The following PTPRT variants were observed in gnomAD, a reference collection of about 807,000 sequenced individuals.
PTPRT encodes the protein protein tyrosine phosphatase receptor type T.
Under a neutral mutation model 176.8 loss-of-function variants are expected in PTPRT, and 56 were observed. The observed-to-expected ratio is 0.32, with a 90% CI of 0.26 to 0.40. The LOEUF is 0.40. Among genes scored for constraint, PTPRT ranks in the 10% least tolerant of loss-of-function variants. PTPRT has a pLI of 1.00. For synonymous variants in PTPRT, 783 were observed against 739.0 expected (o/e 1.06, Z -0.96); for missense variants, 1,540 against 1,908.2 (o/e 0.81, Z 3.60).
intron 15 of PTPRT, among the ~76,000 whole-genome samples, chr20:42,217,265 G>T (rs6030056): frequency 2.6e-5 from 4 of 151,562 alleles, no homozygotes; most frequent in African/African-American, 7.3e-5. Context: ...CCCAGCTACT[G>T]GGGAGGCTGA....
chr20:42,084,550 T>C (rs1276140000), intron 29 of PTPRT, 132 bp downstream of exon 29: 2 of 758,510 alleles, frequency 2.6e-6, no homozygotes, highest in African/African-American at 3.6e-5. Flanking sequence ...GTACTGCCAC[T>C]AGCCTTTGAG....
the PTPRT span, among the ~76,000 whole-genome samples, chr20:42,037,338 C>T: frequency 6.6e-6 from 1 of 152,212 alleles, no homozygotes; most frequent in Non-Finnish European, 1.5e-5. Flanking sequence ...CCTCTAGGCC[C>T]TTCCCCACCT....
At chr20:43,067,254 G>A (rs2011120615) in intron 1 of PTPRT, among the ~76,000 whole-genome samples, 1 of 152,170 alleles carries the variant, frequency 6.6e-6, no homozygotes, top group South Asian at 2.1e-4. Context: ...TAATGTATAT[G>A]AAATATCCAG....
At chr20:42,476,107 G>A (rs2071284210) in intron 7 of PTPRT, among the ~76,000 whole-genome samples, 1 of 152,188 alleles carries the variant, frequency 6.6e-6, no homozygotes, top group African/African-American at 2.4e-5. Context: ...GGTTGTTAAT[G>A]AGCATAAAAT....
intron 1 of PTPRT, among the ~76,000 whole-genome samples, chr20:42,960,393 C>A (rs1282050101): frequency 1.3e-5 from 2 of 152,078 alleles, no homozygotes; most frequent in Non-Finnish European, 1.5e-5. Flanking sequence ...ACCTAACAAG[C>A]TCCCTCTAGC....
At chr20:42,708,897 A>C (rs112231566) in intron 6 of PTPRT, among the ~76,000 whole-genome samples, 43 of 152,310 alleles carry the variant, frequency 2.8e-4, no homozygotes, top group African/African-American at 9.9e-4. Context: ...GGCATTAACG[A>C]GCAGAATTAC....
downstream of PTPRT, among the ~76,000 whole-genome samples, chr20:42,070,023 G>T (rs959298530): frequency 6.6e-6 from 1 of 152,104 alleles, no homozygotes; most frequent in African/African-American, 2.4e-5. Flanking sequence ...GTTGAGTCTC[G>T]TTGCATATCC....
intron 1 of PTPRT, among the ~76,000 whole-genome samples, chr20:43,177,950 C>A (rs1424245865): frequency 6.6e-6 from 1 of 152,212 alleles, no homozygotes; most frequent in African/African-American, 2.4e-5. Flanking sequence ...CTACTTGGAA[C>A]AGGGATCTTC....
At chr20:42,696,748 C>T (rs959656741) in intron 6 of PTPRT, among the ~76,000 whole-genome samples, 4 of 152,114 alleles carry the variant, frequency 2.6e-5, no homozygotes, top group Admixed American at 2.6e-4. Context: ...AGCCACCCCG[C>T]CCGGCCATGA....
chr20:42,112,816 C>T (rs564213231), intron 22 of PTPRT, among the ~76,000 whole-genome samples: 2 of 152,306 alleles, frequency 1.3e-5, no homozygotes, highest in Admixed American at 6.5e-5. Flanking sequence ...GGCAGACAGT[C>T]CTGTTAGGAG....
chr20:42,153,145 C>T (rs1989208164), intron 17 of PTPRT, among the ~76,000 whole-genome samples: 1 of 152,192 alleles, frequency 6.6e-6, no homozygotes, highest in Admixed American at 6.5e-5. Flanking sequence ...AACTAGAGTT[C>T]TGTTACATCA....
chr20:42,201,975 G>GTGTGTGTGTGTGTGTGTGTGTGTGTA (rs1380398908), intron 15 of PTPRT, among the ~76,000 whole-genome samples: 1 of 151,304 alleles, frequency 6.6e-6, no homozygotes, highest in Admixed American at 6.6e-5. Context: ...GTGTGTGTGT[G>GTGTGTGTGTGTGTGTGTGTGTGTGTA]TGTATGTATG....
At chr20:42,608,166 T>C (rs1338371879) in intron 7 of PTPRT, among the ~76,000 whole-genome samples, 1 of 152,140 alleles carries the variant, frequency 6.6e-6, no homozygotes, top group Non-Finnish European at 1.5e-5. Context: ...TGGCACCTCA[T>C]GGTCTCATGT....
At chr20:42,507,811 G>T (rs966852425) in intron 7 of PTPRT, among the ~76,000 whole-genome samples, 1 of 151,350 alleles carries the variant, frequency 6.6e-6, no homozygotes, top group African/African-American at 2.4e-5. Context: ...AGGGTAGCCG[G>T]TCAGGTCCCA....
chr20:42,798,341 A>C (rs1273961232), intron 2 of PTPRT, among the ~76,000 whole-genome samples: 1 of 152,240 alleles, frequency 6.6e-6, no homozygotes, highest in East Asian at 1.9e-4. Context: ...TAAAAGTGAA[A>C]GTGGCACAAA....
At chr20:42,350,246 T>TTTTA (rs2058262431) in intron 11 of PTPRT, among the ~76,000 whole-genome samples, 1 of 144,674 alleles carries the variant, frequency 6.9e-6, no homozygotes, top group Non-Finnish European at 1.5e-5. Context: ...TTTTTTTTTT[T>TTTTA]GAGACAGGGT....
intron 9 of PTPRT, among the ~76,000 whole-genome samples, chr20:42,367,027 G>A (rs553018957): frequency 6.6e-6 from 1 of 152,304 alleles, no homozygotes; most frequent in Admixed American, 6.5e-5. Context: ...TATTTGGGAA[G>A]GGGTTCATAA....
chr20:42,279,877 T>A (rs1402432316), intron 13 of PTPRT, among the ~76,000 whole-genome samples: 6 of 152,104 alleles, frequency 3.9e-5, no homozygotes, highest in Admixed American at 3.9e-4. Context: ...CAGCGGCAAG[T>A]TGCTTCATCA....
chr20:42,669,109 T>C (rs997833189), intron 7 of PTPRT, among the ~76,000 whole-genome samples: 8 of 152,046 alleles, frequency 5.3e-5, no homozygotes, highest in African/African-American at 1.9e-4. Flanking sequence ...TCCGTGGTCC[T>C]ACAACCCAGA....
Sources: gnomAD v4.1 joint callset for allele counts (sites outside exome capture counted in the v4.1 genomes callset) on GRCh38, gnomAD v4.1.1 for gene constraint, MANE v1.5 for transcripts, NCBI Gene and HGNC (gene_info 2026-07-23, HGNC 2026-07-21) for gene names.